Variants in GRIK2 observed in about 807,000 individuals in gnomAD.
GRIK2 encodes glutamate receptor ionotropic, kainate 2.
Under a neutral mutation model 100.3 loss-of-function variants are expected in GRIK2, and 32 were observed. That is an observed-to-expected ratio of 0.32 (90% CI 0.24 to 0.43). GRIK2 has a LOEUF of 0.43. GRIK2 is among the 20% of genes least tolerant of loss of function. The pLI is 1.00. For missense variants in GRIK2, 843 were observed against 1,114.9 expected, an observed-to-expected ratio of 0.76 and a Z score of 3.47; for synonymous variants, 417 against 389.4, an observed-to-expected ratio of 1.07 and a Z score of -0.83.
chr6:101,859,845 T>G (rs1249128181), intron 11 of GRIK2, among the ~76,000 whole-genome samples: 2 of 152,190 alleles, frequency 1.3e-5, no homozygotes. Context: ...GTTATATACA[T>G]TTTTAAACAG....
chr6:101,969,620 T>C (rs1343353093), intron 14 of GRIK2, among the ~76,000 whole-genome samples: 1 of 152,062 alleles, frequency 6.6e-6, no homozygotes, highest in Non-Finnish European at 1.5e-5. Context: ...ACTGATAGTT[T>C]TTGTTCACTA....
intron 10 of GRIK2, among the ~76,000 whole-genome samples, chr6:101,841,350 T>C (rs1395042754): frequency 1.3e-5 from 2 of 151,052 alleles, no homozygotes; most frequent in Non-Finnish European, 2.9e-5. Context: ...TTCACGTGCA[T>C]TGTGAATATC....
intron 2 of GRIK2, among the ~76,000 whole-genome samples, chr6:101,460,702 A>G (rs956055338): frequency 1.3e-5 from 2 of 152,160 alleles, no homozygotes; most frequent in Non-Finnish European, 2.9e-5. Flanking sequence ...AGAATCTTCA[A>G]TTTTCACTAT....
intron 2 of GRIK2, among the ~76,000 whole-genome samples, chr6:101,448,522 A>C (rs917822068): frequency 6.6e-6 from 1 of 151,588 alleles, no homozygotes; most frequent in African/African-American, 2.4e-5. Flanking sequence ...CAGTTTCTTT[A>C]TTTATATAAT....
At chr6:101,838,773 T>C (rs2128433008) in intron 10 of GRIK2, among the ~76,000 whole-genome samples, 1 of 151,976 alleles carries the variant, frequency 6.6e-6, no homozygotes, top group Non-Finnish European at 1.5e-5. Flanking sequence ...TGCCTCAGCC[T>C]CCCAAGTAGC....
chr6:101,697,847 T>C (rs1243779904), intron 7 of GRIK2, among the ~76,000 whole-genome samples: 2 of 152,070 alleles, frequency 1.3e-5, no homozygotes, highest in African/African-American at 4.8e-5. Flanking sequence ...ACTCTAAAGA[T>C]TGAATACATA....
intron 14 of GRIK2, among the ~76,000 whole-genome samples, chr6:101,946,026 A>C (rs2128477313): frequency 6.6e-6 from 1 of 151,816 alleles, no homozygotes; most frequent in African/African-American, 2.4e-5. Flanking sequence ...TAAATTAATC[A>C]ATATAAGTAA....
At chr6:101,505,363 C>T (rs567927495) in intron 2 of GRIK2, among the ~76,000 whole-genome samples, 33 of 152,198 alleles carry the variant, frequency 2.2e-4, no homozygotes, top group African/African-American at 7.9e-4. Flanking sequence ...AAGCAGCTGG[C>T]AGTCTAATAT....
intron 14 of GRIK2, among the ~76,000 whole-genome samples, chr6:101,935,292 G>T (rs1790545699): frequency 6.6e-6 from 1 of 151,872 alleles, no homozygotes; most frequent in Non-Finnish European, 1.5e-5. Flanking sequence ...TAGCCACATA[G>T]CTTTTTCTCA....
At chr6:101,642,104 TTTTAA>T (rs1266544154) in intron 4 of GRIK2, among the ~76,000 whole-genome samples, 1 of 151,924 alleles carries the variant, frequency 6.6e-6, no homozygotes, top group African/African-American at 2.4e-5. Context: ...TAGTTTTACT[TTTTAA>T]TTTAACTTTT....
intron 7 of GRIK2, among the ~76,000 whole-genome samples, chr6:101,789,011 T>A (rs572179829): frequency 9.5e-4 from 145 of 152,330 alleles, no homozygotes; most frequent in African/African-American, 3.3e-3. Context: ...ATGTCTTTTT[T>A]TGAGAAGTGT....
chr6:101,575,358 A>G (rs1326240742), intron 2 of GRIK2, among the ~76,000 whole-genome samples: 3 of 151,978 alleles, frequency 2.0e-5, no homozygotes, highest in Non-Finnish European at 4.4e-5. Context: ...ATGGGCAGAA[A>G]AATTAGACAT....
At chr6:101,638,256 C>T (rs535825683) in intron 4 of GRIK2, among the ~76,000 whole-genome samples, 65 of 148,142 alleles carry the variant, frequency 4.4e-4, no homozygotes, top group Non-Finnish European at 7.9e-4. Context: ...TTCTAGGTAC[C>T]GGAGATATAT....
chr6:101,760,346 ATAAT>A lies in GRIK2; in HGVS notation c.952-39295_952-39292del, dbSNP rs569477722. Among the ~76,000 whole-genome samples, 696 of 88,226 alleles carry A rather than the reference ATAAT, an allele frequency of 7.9e-3. 4 individuals carry two copies. The East Asian group carries it at 0.14, about 17-fold the overall frequency. 57.9% of individuals were successfully genotyped at this position (88,226 alleles called of 152,430 possible). On this transcript the variant is annotated intron_variant, in intron 7 of 16. Coordinates refer to ENST00000369134, the MANE Select transcript of GRIK2 (RefSeq NM_021956.5). ...ATTTAATTATATATATTTATTATATATAATTAATTATATTTAATTATATATTTAT... is the reference window on the plus strand; with the variant it reads ...ATTTAATTATATATATTTATTATATATAATTATATTTAATTATATATTTAT...
intron 16 of GRIK2, among the ~76,000 whole-genome samples, chr6:102,065,134 T>G (rs1434819316): frequency 6.6e-6 from 1 of 151,280 alleles, no homozygotes; most frequent in Non-Finnish European, 1.5e-5. Context: ...AAAGATTGCT[T>G]GATTAAATTT....
chr6:101,980,937 G>A (rs1376426898), intron 14 of GRIK2, among the ~76,000 whole-genome samples: 2 of 115,902 alleles, frequency 1.7e-5, no homozygotes, highest in Non-Finnish European at 3.5e-5. Context: ...ATTAGTTTCT[G>A]ATCAGTCAAC....
chr6:101,606,665 C>T (rs950033147), intron 2 of GRIK2, among the ~76,000 whole-genome samples: 3 of 151,934 alleles, frequency 2.0e-5, no homozygotes, highest in African/African-American at 4.8e-5. Flanking sequence ...TTTAATTTTT[C>T]TTGTGAGTTC....
At chr6:101,662,614 G>A (rs368783745) in intron 4 of GRIK2, among the ~76,000 whole-genome samples, 33 of 151,876 alleles carry the variant, frequency 2.2e-4, no homozygotes, top group African/African-American at 7.5e-4. Flanking sequence ...CACCACAGAA[G>A]ACATTTTAAC....
chr6:102,019,367 A>G (rs975372924), intron 14 of GRIK2, among the ~76,000 whole-genome samples: 13 of 152,140 alleles, frequency 8.5e-5, no homozygotes, highest in African/African-American at 3.1e-4. Context: ...ACCTCAGCAA[A>G]TACTGAAATT....
Sources: gnomAD v4.1 joint callset for allele counts (sites outside exome capture counted in the v4.1 genomes callset) on GRCh38, gnomAD v4.1.1 for gene constraint, MANE v1.5 for transcripts, NCBI Gene and HGNC (gene_info 2026-07-23, HGNC 2026-07-21) for gene names.